The following FAM133A variants were observed in gnomAD, a reference collection of about 807,000 sequenced individuals.
The protein encoded by FAM133A is family with sequence similarity 133 member A, also known as protein FAM133A.
For synonymous variants in FAM133A, 65 were observed against 58.6 expected (o/e 1.11, Z -0.50); for missense variants, 159 against 164.4 (o/e 0.97, Z 0.18).
chrX:93,679,041 T>C (rs776870155), intron 2 of FAM133A, among the ~76,000 whole-genome samples: 313 of 111,564 alleles, frequency 2.8e-3, no homozygotes, highest in Non-Finnish European at 4.4e-3. Context: ...ACATAAATGT[T>C]CTTCTATTTT....
chrX:93,674,094 TA>T (rs1221790572), upstream of FAM133A: 1 of 108,551 alleles, frequency 9.2e-6, no homozygotes, highest in Non-Finnish European at 1.9e-5. Flanking sequence ...TTTCTCTAAA[TA>T]TTCTATGAGC....
intron 3 of FAM133A, among the ~76,000 whole-genome samples, chrX:93,703,064 C>G (rs1926828306): frequency 9.1e-6 from 1 of 110,480 alleles, no homozygotes; most frequent in Non-Finnish European, 1.9e-5. Flanking sequence ...TTGCACATGC[C>G]TATAGTCTCA....
chrX:93,688,420 T>A (rs1352413935), intron 2 of FAM133A, among the ~76,000 whole-genome samples: 1 of 111,211 alleles, frequency 9.0e-6, no homozygotes, highest in African/African-American at 3.3e-5. Flanking sequence ...AATCATGTAT[T>A]GCTTGTTAGT....
At chrX:93,689,660 A>G (rs957356875) in intron 2 of FAM133A, among the ~76,000 whole-genome samples, 23 of 110,737 alleles carry the variant, frequency 2.1e-4, no homozygotes, top group African/African-American at 7.2e-4. Context: ...TTCAGCAGAT[A>G]TTTTTGGTTG....
intron 3 of FAM133A, among the ~76,000 whole-genome samples, chrX:93,699,570 TTAAAAA>T (rs1490860126): frequency 9.0e-6 from 1 of 111,364 alleles, no homozygotes; most frequent in African/African-American, 3.3e-5. Flanking sequence ...TTTTAATCTC[TTAAAAA>T]TAATATATTT....
chrX:93,690,378 A>G (rs976741880), intron 2 of FAM133A, among the ~76,000 whole-genome samples: 3 of 111,313 alleles, frequency 2.7e-5, no homozygotes, highest in East Asian at 2.8e-4. Flanking sequence ...TTAGCAGTCA[A>G]TCCTTGTTTT....
chrX:93,708,446 C>G (rs1927188913), intron 3 of FAM133A, among the ~76,000 whole-genome samples: 2 of 111,715 alleles, frequency 1.8e-5, no homozygotes, highest in South Asian at 7.5e-4. Flanking sequence ...AAAATGCTAC[C>G]TATTAAGAGG....
upstream of FAM133A, chrX:93,673,988 TAAAAAAAAAAA>T (rs946167250): frequency 1.5e-4 from 6 of 38,713 alleles, no homozygotes; most frequent in Admixed American, 1.2e-3. Context: ...CAAAAAGCTG[TAAAAAAAAAAA>T]AAAAAAAAAA....
intron 2 of FAM133A, among the ~76,000 whole-genome samples, chrX:93,679,631 A>G (rs1490357197): frequency 2.7e-5 from 3 of 111,189 alleles, no homozygotes; most frequent in African/African-American, 9.8e-5. Context: ...ATATGTATAC[A>G]TTGTTGAATG....
intron 2 of FAM133A, among the ~76,000 whole-genome samples, chrX:93,692,175 C>T (rs1211863677): frequency 9.0e-6 from 1 of 111,505 alleles, no homozygotes; most frequent in African/African-American, 3.3e-5. Flanking sequence ...ATCAAAAATT[C>T]AAAATCCAAA....
rs1439603870 is a variant in FAM133A at position 93,709,863 on chromosome X, A to G, written c.444A>G (p.Glu148=). 1.0e-5 allele frequency: 12 copies of G among 1,202,795 alleles called. No homozygotes were observed. Among genetic ancestry groups the G allele is most frequent in the East Asian group, 3.0e-5 (1 of 33,597 alleles). The stretch of plus-strand genomic sequence containing the variant: ...AATCATCCCAAAGCTCTACGCATGA[A>G]TCAGAATCAGAGAGCAAGGAGTCTG... The part of the protein sequence containing the change: ...SYKSSQSSTH[E]SESESKESVK... Residue 148 remains glutamate, a synonymous_variant, in exon 4 of 4, where the codon GAA becomes GAG. Transcript: ENST00000683942.
intron 2 of FAM133A, among the ~76,000 whole-genome samples, chrX:93,693,883 A>AAT (rs1926053851): frequency 8.9e-6 from 1 of 112,043 alleles, no homozygotes; most frequent in Non-Finnish European, 1.9e-5. Flanking sequence ...TCCACAGTGT[A>AAT]AAAGGTTGAA....
chrX:93,698,941 A>G (rs186048683), intron 3 of FAM133A, among the ~76,000 whole-genome samples: 47 of 111,388 alleles, frequency 4.2e-4, no homozygotes, highest in African/African-American at 1.5e-3. Flanking sequence ...ACAAATAATT[A>G]GAGTATGATT....
At position 93,710,402 on chromosome X, in the gene FAM133A, A is replaced by G; in HGVS notation, c.*236A>G. The G allele has an allele frequency of 3.4e-6, 1 of 297,739 alleles. No homozygotes were observed. Among genetic ancestry groups the G allele is most frequent in the Non-Finnish European group, 6.1e-6 (1 of 165,178 alleles). The allele number at this position is 297,739 out of a possible 1,213,427, so 24.5% of individuals were successfully genotyped here. On this transcript the variant is annotated 3_prime_UTR_variant, in exon 4 of 4. Transcript: ENST00000683942. ...ATAAAATGTTTGAAATTAAAGTAAA[A>G]TGTGTTAGATAATGAATAACTTTGA...
At chrX:93,685,659 T>G in intron 2 of FAM133A, among the ~76,000 whole-genome samples, 1 of 111,767 alleles carries the variant, frequency 8.9e-6, no homozygotes, top group Non-Finnish European at 1.9e-5. Flanking sequence ...CGATAGAATA[T>G]TCTAATAATT....
At chrX:93,701,703 C>A (rs2147651749) in intron 3 of FAM133A, among the ~76,000 whole-genome samples, 1 of 111,581 alleles carries the variant, frequency 9.0e-6, no homozygotes, top group East Asian at 2.8e-4. Context: ...AAAACAAGTA[C>A]CTTCTTGGAA....
At chrX:93,702,848 A>C (rs1168676808) in intron 3 of FAM133A, among the ~76,000 whole-genome samples, 1 of 97,551 alleles carries the variant, frequency 1.0e-5, no homozygotes, top group Admixed American at 1.1e-4. Context: ...AAAAAAAAAA[A>C]AAAAAAAAAA....
chrX:93,708,269 A>G (rs745667642), intron 3 of FAM133A, among the ~76,000 whole-genome samples: 4 of 112,208 alleles, frequency 3.6e-5, no homozygotes, highest in Non-Finnish European at 7.5e-5. Context: ...AGAATTGAGA[A>G]AAAAGGTGAG....
chrX:93,679,659 A>C (rs752970604), intron 2 of FAM133A, among the ~76,000 whole-genome samples: 3 of 110,757 alleles, frequency 2.7e-5, no homozygotes, highest in Non-Finnish European at 5.7e-5. Context: ...CAAGCATTTT[A>C]ACATATATAT....
Sources: gnomAD v4.1 joint callset for allele counts (sites outside exome capture counted in the v4.1 genomes callset) on GRCh38, gnomAD v4.1.1 for gene constraint, MANE v1.5 for transcripts, NCBI Gene and HGNC (gene_info 2026-07-23, HGNC 2026-07-21) for gene names.